GRAMD4: variants seen among roughly 807,000 people sequenced by gnomAD.
The protein encoded by GRAMD4 is GRAM domain-containing protein 4.
A neutral mutation model predicts 83.9 loss-of-function variants in GRAMD4; 25 were observed. The observed-to-expected ratio is 0.30, with a 90% CI of 0.22 to 0.42. The LOEUF (loss-of-function observed/expected upper bound fraction) is 0.42. Among genes scored for constraint, GRAMD4 ranks in the 10% least tolerant of loss-of-function variants. GRAMD4 has a pLI of 1.00. For synonymous variants in GRAMD4, 336 were observed against 320.9 expected, an observed-to-expected ratio of 1.05 and a Z score of -0.50; for missense variants, 593 against 788.7, an observed-to-expected ratio of 0.75 and a Z score of 2.97.
Position 46,637,899 on chromosome 22 carries a change from T to C in GRAMD4, c.222T>C (p.Phe74=). The C allele has an allele frequency of 6.2e-7, 1 of 1,614,056 alleles. No individual in the cohort carries two copies. The highest frequency in any genetic ancestry group is 8.5e-7 in the Non-Finnish European group (1 of 1,179,886). The stretch of plus-strand genomic sequence containing the variant: ...TCCAGGACTTTAACCGGACAGAGTT[T>C]GATCGACTGAATGAGATCAAAGGTC... ...TGVQDFNRTE[F]DRLNEIKGHL... The change falls in exon 3 of 19, where the codon TTT becomes TTC. Residue 74 remains phenylalanine, a synonymous_variant. Coordinates refer to ENST00000406902, the MANE Select transcript of GRAMD4 (RefSeq NM_015124.5).
intron 2 of GRAMD4, among the ~76,000 whole-genome samples, chr22:46,633,312 A>G (rs2081805066): frequency 6.6e-6 from 1 of 152,174 alleles, no homozygotes; most frequent in Non-Finnish European, 1.5e-5. Flanking sequence ...GAGTTGGGGC[A>G]CTGGGACGTT....
rs2081623302 is a variant in GRAMD4 at position 46,624,358 on chromosome 22, G to C, written c.-49-2393G>C. Among the ~76,000 whole-genome samples the C allele has an allele frequency of 2.6e-5, 3 of 113,458 alleles. 1 individual carries two copies. In the South Asian group the frequency reaches 9.2e-4, roughly 35 times the overall value. The allele number at this position is 113,458 out of a possible 152,430, so 74.4% of individuals were successfully genotyped here. A position where few individuals can be genotyped will look rare whatever the true frequency, so the allele number is the denominator to read the frequency against. On this transcript the variant is annotated intron_variant, in intron 1 of 18. Transcript: ENST00000406902. ...TTTTTTTTTTTTTTTTTCTGAGACGGAGTCTCACTGCCCAGGCTGGAGTGC... is the reference window on the plus strand; with the variant it reads ...TTTTTTTTTTTTTTTTTCTGAGACGCAGTCTCACTGCCCAGGCTGGAGTGC...
chr22:46,616,423 C>T (rs1478663218), upstream of GRAMD4, among the ~76,000 whole-genome samples: 2 of 106,658 alleles, frequency 1.9e-5, no homozygotes, highest in African/African-American at 7.6e-5. Flanking sequence ...TGTAGGTTCC[C>T]CCGTGAGTAG....
intron 2 of GRAMD4, among the ~76,000 whole-genome samples, chr22:46,633,504 G>C (rs2081808217): frequency 6.6e-6 from 1 of 152,226 alleles, no homozygotes; most frequent in African/African-American, 2.4e-5. Context: ...GTGTGGGGCT[G>C]TTTCAGGGGC....
At chr22:46,670,782 T>C (rs1376646789) in intron 13 of GRAMD4, among the ~76,000 whole-genome samples, 1 of 152,096 alleles carries the variant, frequency 6.6e-6, no homozygotes, top group Non-Finnish European at 1.5e-5. Context: ...ATTTTTGTAT[T>C]TTTAATAGAG....
intron 7 of GRAMD4, 25 bp downstream of exon 7, chr22:46,663,888 C>T (rs747550716): frequency 8.7e-6 from 14 of 1,611,946 alleles, no homozygotes; most frequent in Middle Eastern, 1.6e-4. Context: ...CTCTGCGTGG[C>T]GCCCACGATG....
At chr22:46,637,048 G>T (rs1380936226) in intron 2 of GRAMD4, among the ~76,000 whole-genome samples, 1 of 152,192 alleles carries the variant, frequency 6.6e-6, no homozygotes, top group Non-Finnish European at 1.5e-5. Context: ...GGTTGCGGCA[G>T]ACCCTTCTGC....
chr22:46,587,967 C>T (rs890149451), intron 1 of GRAMD4: 1 of 984,568 alleles, frequency 1.0e-6, no homozygotes, highest in Non-Finnish European at 1.2e-6. Context: ...CCTGAGGGTC[C>T]AGGGGGCCAG....
At position 46,678,671 on chromosome 22, in the gene GRAMD4, G is replaced by A. The variant is rs1378272578; in HGVS notation, c.*1420G>A. 19 of 985,614 alleles carry A rather than the reference G, an allele frequency of 1.9e-5. No homozygotes were observed. The East Asian group carries it at 1.0e-3, about 53-fold the overall frequency. The allele number at this position is 985,614 out of a possible 1,614,324, so 61.1% of individuals were successfully genotyped here. ...AACAGAAGATTCTATTTTTTACAGC[G>A]AGCAAGCTGGTTTTCTTATTTTTGT... On this transcript the variant is annotated 3_prime_UTR_variant, in exon 19 of 19. Transcript: ENST00000406902.
chr22:46,680,165 GC>G (rs1339373047), downstream of GRAMD4, among the ~76,000 whole-genome samples: 1 of 152,192 alleles, frequency 6.6e-6, no homozygotes, highest in African/African-American at 2.4e-5. Context: ...GCAGGCTTTG[GC>G]CCCTCTCCAC....
chr22:46,634,890 C>T (rs1424013565), intron 2 of GRAMD4, among the ~76,000 whole-genome samples: 1 of 151,910 alleles, frequency 6.6e-6, no homozygotes, highest in Admixed American at 6.5e-5. Context: ...TTGCAGTGAT[C>T]CGAGATCATG....
intron 8 of GRAMD4, among the ~76,000 whole-genome samples, chr22:46,664,638 C>G (rs771313522): frequency 6.6e-6 from 1 of 152,170 alleles, no homozygotes; most frequent in Non-Finnish European, 1.5e-5. Flanking sequence ...GCTGCCCCAG[C>G]GGGACAGGAG....
intron 1 of GRAMD4, among the ~76,000 whole-genome samples, chr22:46,596,187 G>C (rs2081260507): frequency 6.6e-6 from 1 of 152,266 alleles, no homozygotes; most frequent in South Asian, 2.1e-4. Context: ...ACAAGGACTA[G>C]CTGTGCCCAG....
intron 1 of GRAMD4, among the ~76,000 whole-genome samples, chr22:46,624,891 C>T (rs1458785827): frequency 6.9e-6 from 1 of 145,058 alleles, no homozygotes; most frequent in African/African-American, 2.6e-5. Flanking sequence ...GACAGAGTCT[C>T]GCTCTGTCAC....
intron 1 of GRAMD4, among the ~76,000 whole-genome samples, chr22:46,625,714 A>G (rs1484885156): frequency 1.3e-5 from 2 of 152,214 alleles, no homozygotes; most frequent in Non-Finnish European, 2.9e-5. Context: ...GAGCTGCGTG[A>G]TGGGGCTGGG....
At chr22:46,673,081 C>T in intron 14 of GRAMD4, 84 bp downstream of exon 14, 5 of 1,120,846 alleles carry the variant, frequency 4.5e-6, no homozygotes, top group Non-Finnish European at 6.2e-6. Context: ...CTCTGTTCAC[C>T]TCCGGCTCAT....
At chr22:46,645,320 G>A (rs762335709) in intron 3 of GRAMD4, among the ~76,000 whole-genome samples, 98 of 152,278 alleles carry the variant, frequency 6.4e-4, no homozygotes, top group Non-Finnish European at 9.6e-4. Flanking sequence ...AGGACATTAT[G>A]TAATCTGGGG....
chr22:46,599,634 A>C lies in GRAMD4; in HGVS notation c.-50+22344A>C, dbSNP rs16995473. 1.7e-3 allele frequency among the ~76,000 whole-genome samples: 260 copies of C among 152,250 alleles called. 1 individual carries two copies. The highest frequency in any genetic ancestry group is 5.9e-3 in the African/African-American group (245 of 41,562). On this transcript the variant is annotated intron_variant, in intron 1 of 1. Coordinates refer to the GRAMD4 transcript ENST00000431155. Reference sequence around the variant, plus strand: ...GAGCCACCATGCCCAGCTGATACTTAAGTTTTTTTGAGAATTAAAATTACC... The same window carrying C: ...GAGCCACCATGCCCAGCTGATACTTCAGTTTTTTTGAGAATTAAAATTACC...
chr22:46,666,262 A>AC (rs1422759053), intron 9 of GRAMD4, among the ~76,000 whole-genome samples: 1 of 152,072 alleles, frequency 6.6e-6, no homozygotes, highest in Non-Finnish European at 1.5e-5. Context: ...CCTGGGGTGG[A>AC]CCCCTAGTCC....
Sources: gnomAD v4.1 joint callset for allele counts (sites outside exome capture counted in the v4.1 genomes callset) on GRCh38, gnomAD v4.1.1 for gene constraint, MANE v1.5 for transcripts, NCBI Gene and HGNC (gene_info 2026-07-23, HGNC 2026-07-21) for gene names.